The following PRR5L variants were observed in gnomAD, a reference collection of about 807,000 sequenced individuals.
PRR5L encodes proline-rich protein 5-like.
In PRR5L, 21 loss-of-function variants were observed where a neutral mutation model predicts 36.4. The observed-to-expected ratio is 0.58, with a 90% CI of 0.41 to 0.83. The LOEUF (loss-of-function observed/expected upper bound fraction) is 0.83, where lower values mean the gene tolerates loss of function less well. Ranked by LOEUF, PRR5L falls within the 40% of genes least tolerant of loss-of-function variation. PRR5L has a pLI of 0.00. For missense variants in PRR5L, 381 were observed against 473.3 expected (o/e 0.80, Z 1.81); for synonymous variants, 188 against 197.0 (o/e 0.95, Z 0.38).
chr11:36,335,717 G>A (rs945005120), intron 1 of PRR5L, among the ~76,000 whole-genome samples: 11 of 152,006 alleles, frequency 7.2e-5, no homozygotes, highest in African/African-American at 2.4e-4. Flanking sequence ...GCTTTGACAG[G>A]ATAATTATAG....
intron 3 of PRR5L, among the ~76,000 whole-genome samples, chr11:36,408,077 C>T (rs1403015503): frequency 6.6e-6 from 1 of 152,144 alleles, no homozygotes; most frequent in African/African-American, 2.4e-5. Context: ...AGTTTGAGAC[C>T]AGCCTGGCCA....
At chr11:36,461,362 C>T (rs1408575480) in intron 8 of PRR5L, among the ~76,000 whole-genome samples, 1 of 152,148 alleles carries the variant, frequency 6.6e-6, no homozygotes, top group Non-Finnish European at 1.5e-5. Flanking sequence ...GTGGCTCACA[C>T]CTTTAATCCC....
intron 1 of PRR5L, among the ~76,000 whole-genome samples, chr11:36,354,786 AC>A (rs1431609676): frequency 6.6e-6 from 1 of 152,234 alleles, no homozygotes; most frequent in Non-Finnish European, 1.5e-5. Context: ...ATGGTGCAGA[AC>A]AAAGAGGGAA....
chr11:36,322,186 C>T (rs1456698732), intron 1 of PRR5L, among the ~76,000 whole-genome samples: 1 of 152,186 alleles, frequency 6.6e-6, no homozygotes, highest in Non-Finnish European at 1.5e-5. Context: ...CCTACATTGA[C>T]TGCTTCAGAG....
At chr11:36,421,046 G>A (rs1052759472) in intron 4 of PRR5L, among the ~76,000 whole-genome samples, 6 of 152,152 alleles carry the variant, frequency 3.9e-5, no homozygotes, top group African/African-American at 1.4e-4. Flanking sequence ...AGTCACCCTT[G>A]ACTCAAAGGT....
chr11:36,379,769 A>T (rs956766671), intron 1 of PRR5L, among the ~76,000 whole-genome samples: 3 of 152,168 alleles, frequency 2.0e-5, no homozygotes, highest in Non-Finnish European at 4.4e-5. Flanking sequence ...GTTAATTCAC[A>T]TTTTTGTCAG....
chr11:36,446,405 C>T lies in PRR5L; in HGVS notation c.550C>T (p.Pro184Ser), dbSNP rs1264274251. 2 of 1,614,160 alleles carry T rather than the reference C, an allele frequency of 1.2e-6. No homozygotes were observed. Among genetic ancestry groups the T allele is most frequent in the South Asian group, 1.1e-5 (1 of 91,074 alleles). Reference sequence around the variant, plus strand: ...GCTGCTGCTGGCCCAGTCCAAGCTGCCCTCGTCCATTGTCCAGATGTTGCT... The same window carrying T: ...GCTGCTGCTGGCCCAGTCCAAGCTGTCCTCGTCCATTGTCCAGATGTTGCT... ...DLLLLAQSKLPSSIVQMLLIL... is the reference protein window; with the variant it reads ...DLLLLAQSKLSSSIVQMLLIL... Residue 184 changes from proline (P) to serine (S), a missense_variant, in exon 7 of 9, where the codon CCC becomes TCC. Pro to Ser is a moderately conservative substitution (Grantham distance 74). Coordinates refer to ENST00000530639, the MANE Select transcript of PRR5L (RefSeq NM_001160167.2).
chr11:36,431,843 C>T lies in PRR5L; in HGVS notation c.295-10C>T. 1 of 1,613,896 alleles carries T rather than the reference C, an allele frequency of 6.2e-7. No homozygotes were observed. The highest frequency in any genetic ancestry group is 1.6e-4 in the Middle Eastern group (1 of 6,062). ...TCCAAATTCTTATGTTCTTTGTTCTCTTTTGGCAGAACCAGCTTCTTGCAA... is the reference window on the plus strand; with the variant it reads ...TCCAAATTCTTATGTTCTTTGTTCTTTTTTGGCAGAACCAGCTTCTTGCAA... On this transcript the variant is annotated splice_polypyrimidine_tract_variant and intron_variant, in intron 4 of 8. Transcript: ENST00000530639.
intron 1 of PRR5L, among the ~76,000 whole-genome samples, chr11:36,313,752 A>G (rs1482770324): frequency 6.6e-6 from 1 of 152,196 alleles, no homozygotes; most frequent in Non-Finnish European, 1.5e-5. Context: ...AGTTCAATCT[A>G]CCTTGAGGAA....
At chr11:36,351,036 T>TATATA (rs1856933729) in intron 1 of PRR5L, among the ~76,000 whole-genome samples, 2 of 44,828 alleles carry the variant, frequency 4.5e-5, no homozygotes, top group Non-Finnish European at 8.6e-5. Flanking sequence ...ATATTTATTT[T>TATATA]TTAATATATT....
chr11:36,350,554 A>T (rs1024137971), intron 1 of PRR5L, among the ~76,000 whole-genome samples: 10 of 152,012 alleles, frequency 6.6e-5, no homozygotes, highest in Non-Finnish European at 1.3e-4. Context: ...TTAAAATTTC[A>T]ATAGGCTTTT....
intron 1 of PRR5L, among the ~76,000 whole-genome samples, chr11:36,320,349 T>A (rs1259935504): frequency 6.6e-6 from 1 of 151,144 alleles, no homozygotes; most frequent in African/African-American, 2.4e-5. Context: ...GTTCAAGCGA[T>A]TCTCCTGCCT....
intron 1 of PRR5L, among the ~76,000 whole-genome samples, chr11:36,350,446 T>C (rs900874334): frequency 7.2e-5 from 11 of 152,024 alleles, no homozygotes; most frequent in African/African-American, 2.7e-4. Context: ...AAGATAAAGC[T>C]TGACTTGGGA....
rs1255601939 is a variant in PRR5L at position 36,462,814 on chromosome 11, G to A, written c.*78G>A. ...CCTCCATCTCCGTGGATTACTGAGG[G>A]GGGCTCTTGCTTTATGCGATGCTGC... On this transcript the variant is annotated 3_prime_UTR_variant, in exon 9 of 9. Coordinates refer to ENST00000530639, the MANE Select transcript of PRR5L (RefSeq NM_001160167.2). 2.9e-6 allele frequency: 4 copies of A among 1,360,936 alleles called. No homozygotes were observed. Among genetic ancestry groups the A allele is most frequent in the Non-Finnish European group, 3.0e-6 (3 of 1,010,774 alleles). 84.3% of individuals were successfully genotyped at this position (1,360,936 alleles called of 1,614,324 possible).
chr11:36,403,188 T>C, intron 2 of PRR5L, 110 bp from the exon 3 acceptor site: 1 of 828,828 alleles, frequency 1.2e-6, no homozygotes, highest in Non-Finnish European at 2.0e-6. Context: ...TGTGGCCAGG[T>C]TTGTGCTATG....
rs779090715 is a variant in PRR5L, at chr11:36,370,888, A to AAAAAAAC, written c.-125-30106_-125-30105insAAACAAA. The stretch of plus-strand genomic sequence containing the variant: ...AGTGGGAGACTCCATCTCAAAAAAA[A>AAAAAAAC]AAACAAACAAAAGAAAGCAAACAAA... On this transcript the variant is annotated intron_variant, in intron 1 of 8. Coordinates refer to ENST00000530639, the MANE Select transcript of PRR5L (RefSeq NM_001160167.2). Among the ~76,000 whole-genome samples the AAAAAAAC allele has an allele frequency of 1.8e-3, 274 of 151,674 alleles. 1 individual carries two copies. The highest frequency in any genetic ancestry group is 6.8e-3 in the Middle Eastern group (2 of 294).
chr11:36,311,354 G>C (rs1223673120), intron 1 of PRR5L, among the ~76,000 whole-genome samples: 2 of 152,140 alleles, frequency 1.3e-5, no homozygotes, highest in Non-Finnish European at 2.9e-5. Flanking sequence ...CTTGGATGGG[G>C]CAGAGCCAGG....
chr11:36,409,907 C>T (rs1472522004), intron 3 of PRR5L, among the ~76,000 whole-genome samples: 1 of 152,226 alleles, frequency 6.6e-6, no homozygotes, highest in Admixed American at 6.5e-5. Context: ...AAGCCTCCCA[C>T]ATGCTTAAAC....
chr11:36,322,529 C>T (rs896982961), intron 1 of PRR5L, among the ~76,000 whole-genome samples: 4 of 152,162 alleles, frequency 2.6e-5, no homozygotes, highest in African/African-American at 4.8e-5. Context: ...TTTCTCTAGT[C>T]CATGTTATTT....
Sources: allele counts gnomAD v4.1 joint callset (sites outside exome capture counted in the v4.1 genomes callset), GRCh38; gene constraint gnomAD v4.1.1; transcripts MANE v1.5; gene names NCBI Gene and HGNC (gene_info 2026-07-23, HGNC 2026-07-21).